Variants in LYST observed in about 807,000 individuals in gnomAD.
The protein encoded by LYST is lysosomal trafficking regulator, also known as lysosomal-trafficking regulator.
LYST carries 192 observed loss-of-function variants against 413.6 expected under a neutral mutation model. The observed-to-expected ratio is 0.46, with a 90% CI of 0.41 to 0.52. The LOEUF (loss-of-function observed/expected upper bound fraction) is 0.52, where lower values mean the gene tolerates loss of function less well. LYST is among the 20% of genes least tolerant of loss of function. The pLI is 0.00. For synonymous variants in LYST, 1,525 were observed against 1,567.3 expected (o/e 0.97, Z 0.64); for missense variants, 3,815 against 4,499.9 (o/e 0.85, Z 4.35).
chr1:235,883,472 C>CAGAT (rs1681464099), exon 1 of LYST: 1 of 152,674 alleles, frequency 6.5e-6, no homozygotes, highest in African/African-American at 2.4e-5. Flanking sequence ...GACACGGGAA[C>CAGAT]AGATGGTGAA....
rs1658277494 is a variant in LYST, at chr1:235,664,561, T to C, written c.11099A>G (p.His3700Arg). The C allele has an allele frequency of 1.2e-6, 2 of 1,614,004 alleles. No homozygotes were observed. Among genetic ancestry groups the C allele is most frequent in the Non-Finnish European group, 1.7e-6 (2 of 1,179,982 alleles). Residue 3700 changes from histidine to arginine, a missense_variant, in exon 51 of 53, where the codon CAC (histidine) becomes CGC (arginine). His to Arg is a conservative substitution (Grantham distance 29). Coordinates refer to ENST00000389793, the MANE Select transcript of LYST (RefSeq NM_000081.4). The surrounding 1 kb of genome is among the most constrained non-coding windows in gnomAD (Gnocchi z 4.5). The stretch of plus-strand genomic sequence containing the variant: ...CACGGAACAGATGATCTCCCTGCAG[T>C]GGACATGTCCAACGAGATCCCCGTT... ...TVNGDLVGHV[H>R]CREIICSVAF...
chr1:235,729,670 A>G lies in LYST; in HGVS notation c.9045-13T>C, dbSNP rs181450025. On this transcript the variant is annotated splice_polypyrimidine_tract_variant and intron_variant, in intron 36 of 52. Transcript: ENST00000389793. ...TCTTCGATTCACTCTGTCAAAACAT[A>G]TTTAAAATTACTATGACTAAATGTT... 400 of 1,572,974 alleles carry G rather than the reference A, an allele frequency of 2.5e-4. 3 individuals carry two copies. The Middle Eastern group carries it at 0.014, about 55-fold the overall frequency.
At chr1:235,709,004 GT>G in intron 44 of LYST, 86 bp downstream of exon 44, 1 of 1,189,320 alleles carries the variant, frequency 8.4e-7, no homozygotes, top group Non-Finnish European at 1.3e-6. Context: ...TAACTTGAGT[GT>G]TTTAAAGGAA....
intron 42 of LYST, 74 bp downstream of exon 42, chr1:235,715,127 C>G (rs1169653840): frequency 8.4e-7 from 1 of 1,190,494 alleles, no homozygotes; most frequent in African/African-American, 1.5e-5. Flanking sequence ...AAATGTCAGT[C>G]CTAAGTTGTT....
intron 10 of LYST, among the ~76,000 whole-genome samples, chr1:235,795,165 C>T (rs746674750): frequency 6.6e-6 from 1 of 151,984 alleles, no homozygotes; most frequent in South Asian, 2.1e-4. Flanking sequence ...ACAGTGCGGC[C>T]GACAATACAG....
chr1:235,688,431 G>A (rs1558117241), intron 47 of LYST, among the ~76,000 whole-genome samples: 2 of 152,150 alleles, frequency 1.3e-5, no homozygotes, highest in South Asian at 2.1e-4. Context: ...TTATTGCATT[G>A]TCCAAAGTAT....
chr1:235,685,750 G>GA (rs1210021665), intron 48 of LYST, among the ~76,000 whole-genome samples: 1 of 151,688 alleles, frequency 6.6e-6, no homozygotes, highest in Admixed American at 6.6e-5. Flanking sequence ...GGAGGCTGAG[G>GA]CAGAAGAATT....
intron 45 of LYST, among the ~76,000 whole-genome samples, chr1:235,698,484 C>T (rs1004930425): frequency 1.3e-5 from 2 of 152,140 alleles, no homozygotes; most frequent in East Asian, 1.9e-4. Context: ...GGAACAGAGA[C>T]GTTAGGGTCA....
chr1:235,740,026 G>A (rs973379014), intron 31 of LYST, among the ~76,000 whole-genome samples: 2 of 152,120 alleles, frequency 1.3e-5, no homozygotes, highest in Non-Finnish European at 2.9e-5. Flanking sequence ...ACTTTGCTGA[G>A]TATAAAGGAA....
At chr1:235,673,818 A>G (rs1659162041) in intron 50 of LYST, among the ~76,000 whole-genome samples, 1 of 152,240 alleles carries the variant, frequency 6.6e-6, no homozygotes, top group South Asian at 2.1e-4. Flanking sequence ...AGTTATAATA[A>G]AAGTCAAGGA....
Position 235,674,443 on chromosome 1 carries a change from G to A in LYST, c.11038+2648C>T, listed in dbSNP as rs955878820. 3.0e-4 allele frequency among the ~76,000 whole-genome samples: 45 copies of A among 150,826 alleles called. No individual in the cohort carries two copies. The South Asian group carries it at 3.1e-3, about 11-fold the overall frequency. ...AGTGTCCCCCTCGGGTCTTTTGATCGTCACATATATATAAATGCTATCAAA... is the reference window on the plus strand; with the variant it reads ...AGTGTCCCCCTCGGGTCTTTTGATCATCACATATATATAAATGCTATCAAA... On this transcript the variant is annotated intron_variant, in intron 50 of 52. Transcript: ENST00000389793. The surrounding 1 kb of genome is among the most constrained non-coding windows in gnomAD (Gnocchi z 4.1).
chr1:235,859,453 A>G (rs1465708342), intron 1 of LYST, among the ~76,000 whole-genome samples: 4 of 152,034 alleles, frequency 2.6e-5, no homozygotes, highest in African/African-American at 9.7e-5. Context: ...TTTACTGAAC[A>G]AATGAAAATT....
Position 235,720,882 on chromosome 1 carries a change from A to G in LYST, c.9339T>C (p.Asn3113=), listed in dbSNP as rs1352317117. The G allele has an allele frequency of 6.2e-7, 1 of 1,613,730 alleles. No individual in the cohort carries two copies. Among genetic ancestry groups the G allele is most frequent in the South Asian group, 1.1e-5 (1 of 91,076 alleles). The change falls in exon 40 of 53, where the codon AAT becomes AAC. Residue 3113 remains asparagine (N), a synonymous_variant. Coordinates refer to ENST00000389793, the MANE Select transcript of LYST (RefSeq NM_000081.4). ...GATTAGGGAGGTTATTTGTGAGTAT[A>G]TTGTGGTATACATCATCACGAACCT... The part of the protein sequence containing the change: ...NTKVRDDVYH[N]ILTNNLPNLL...
rs1658087086 is a variant in LYST at position 235,662,040 on chromosome 1, G to C, written c.*900C>G. 1 of 152,172 alleles carries C rather than the reference G, an allele frequency of 6.6e-6. No individual in the cohort carries two copies. The highest frequency in any genetic ancestry group is 2.4e-5 in the African/African-American group (1 of 41,432). 9.4% of individuals were successfully genotyped at this position (152,172 alleles called of 1,614,324 possible). On this transcript the variant is annotated 3_prime_UTR_variant, in exon 53 of 53. Coordinates refer to ENST00000389793, the MANE Select transcript of LYST (RefSeq NM_000081.4). Reference sequence around the variant, plus strand: ...GGAAGAAAATTCTTCCTGCAGATTAGATCAAATGCCTTATTTAGGCTGTGT... The same window carrying C: ...GGAAGAAAATTCTTCCTGCAGATTACATCAAATGCCTTATTTAGGCTGTGT...
At position 235,800,948 on chromosome 1, in the gene LYST, C is replaced by T. The variant is rs1251754349; in HGVS notation, c.3862G>A (p.Val1288Met). 6.2e-7 allele frequency: 1 copy of T among 1,613,786 alleles called. No homozygotes were observed. Among genetic ancestry groups the T allele is most frequent in the Non-Finnish European group, 8.5e-7 (1 of 1,179,842 alleles). ...LLSASKAKLD[V>M]LAHVFESFLK... ...AAACTCTCAAATACATGGGCAAGCA[C>T]ATCAAGTTTGGCTTTACTAGCAGAA... The change falls in exon 9 of 53, where the codon GTG (valine) becomes ATG (methionine). Residue 1288 changes from valine (V) to methionine (M), a missense_variant. Around this residue, in one of 4 missense-constraint regions of LYST, gnomAD observed 1,648 missense variants for 1,810.3 expected, o/e 0.91. Transcript: ENST00000389793.
intron 1 of LYST, among the ~76,000 whole-genome samples, chr1:235,861,793 C>T (rs1679913704): frequency 6.6e-6 from 1 of 152,140 alleles, no homozygotes; most frequent in African/African-American, 2.4e-5. Flanking sequence ...CTCCTGGCTT[C>T]GGAGACTGAT....
intron 28 of LYST, among the ~76,000 whole-genome samples, chr1:235,749,115 T>C (rs1666210571): frequency 6.6e-6 from 1 of 152,240 alleles, no homozygotes; most frequent in Non-Finnish European, 1.5e-5. Context: ...AATCCCTCTA[T>C]GTCCCTTTAG....
chr1:235,805,713 A>C (rs765757500), intron 6 of LYST, 30 bp downstream of exon 6: 1 of 1,434,304 alleles, frequency 7.0e-7, no homozygotes, highest in East Asian at 2.3e-5. Flanking sequence ...TATATATTAC[A>C]TAAGAGTTGG....
intron 50 of LYST, among the ~76,000 whole-genome samples, chr1:235,671,095 G>A (rs58806245): frequency 0.08 from 12,222 of 152,064 alleles, 1,590 homozygotes; most frequent in African/African-American, 0.27. Context: ...CTGCCACCAC[G>A]CCCAGCTAAT....
Sources: allele counts gnomAD v4.1 joint callset (sites outside exome capture counted in the v4.1 genomes callset), GRCh38; gene constraint gnomAD v4.1.1; regional missense constraint gnomAD v4.1.1; non-coding constraint Gnocchi (gnomAD v3.1); transcripts MANE v1.5; gene names NCBI Gene and HGNC (gene_info 2026-07-23, HGNC 2026-07-21).